The following MROH2A variants were observed in gnomAD, a reference collection of about 807,000 sequenced individuals.
MROH2A encodes maestro heat like repeat family member 2A.
Under a neutral mutation model 200.4 loss-of-function variants are expected in MROH2A, and 174 were observed. The ratio of observed to expected loss-of-function variants is 0.87; its 90% CI spans 0.77 to 0.98. MROH2A has a LOEUF of 0.98. Among genes scored for constraint, MROH2A ranks in the 50% least tolerant of loss-of-function variants. MROH2A has a pLI of 0.00. For missense variants in MROH2A, 2,045 were observed against 2,139.6 expected (o/e 0.96, Z 0.87); for synonymous variants, 829 against 840.4 (o/e 0.99, Z 0.23).
At chr2:233,825,729 T>G (rs964851403) in intron 35 of MROH2A, among the ~76,000 whole-genome samples, 2 of 152,132 alleles carry the variant, frequency 1.3e-5, no homozygotes, top group African/African-American at 2.4e-5. Flanking sequence ...AGTATTTTAT[T>G]GAGAATTTTT....
At chr2:233,833,016 A>T in intron 41 of MROH2A, 122 bp from the exon 42 acceptor site, 5 of 1,190,546 alleles carry the variant, frequency 4.2e-6, no homozygotes, top group Non-Finnish European at 5.8e-6. Flanking sequence ...CCCACACAGG[A>T]GTTTCCCCGT....
At position 233,779,833 on chromosome 2, in the gene MROH2A, G is replaced by A. The variant is rs541647931; in HGVS notation, c.257G>A (p.Arg86His). The change falls in exon 3 of 42, where the codon CGC becomes CAC. Residue 86 changes from arginine (R) to histidine (H), a missense_variant. This residue lies in a region of MROH2A where 831 missense variants were observed against 800.0 expected (regional missense o/e 1.04). Transcript: ENST00000389758. ...TCTGTAGTGATAAACACTCTCATCCGCTGCCTGCAGGTGCCAGAGGTAGGG... is the reference window on the plus strand; with the variant it reads ...TCTGTAGTGATAAACACTCTCATCCACTGCCTGCAGGTGCCAGAGGTAGGG... ...EPSVVINTLI[R>H]CLQVPEISTQ... 1.2e-4 allele frequency: 182 copies of A among 1,550,030 alleles called. 1 individual carries two copies. Among genetic ancestry groups the A allele is most frequent in the Admixed American group, 2.2e-4 (11 of 50,978 alleles).
intron 11 of MROH2A, 82 bp downstream of exon 11, chr2:233,796,395 G>T (rs1702115438): frequency 1.1e-6 from 1 of 918,554 alleles, no homozygotes; most frequent in South Asian, 1.6e-5. Flanking sequence ...TTTCATTCAT[G>T]TTCGGGCATT....
At chr2:233,823,760 CGGG>C in intron 35 of MROH2A, 96 bp downstream of exon 35, 1 of 1,467,800 alleles carries the variant, frequency 6.8e-7, no homozygotes, top group South Asian at 1.3e-5. Flanking sequence ...GCATGGGAGT[CGGG>C]GGGACAGGCG....
intron 5 of MROH2A, among the ~76,000 whole-genome samples, chr2:233,791,416 G>T (rs751027921): frequency 6.6e-6 from 1 of 152,184 alleles, no homozygotes; most frequent in African/African-American, 2.4e-5. Context: ...CTCCTTTCCC[G>T]AGCTAGAAGC....
intron 10 of MROH2A, 54 bp from the exon 11 acceptor site, chr2:233,796,146 T>C: frequency 6.6e-7 from 1 of 1,521,138 alleles, no homozygotes; most frequent in Non-Finnish European, 8.9e-7. Context: ...ACTGCCTTGC[T>C]GGGCCTGCTC....
Position 233,800,055 on chromosome 2 carries a change from G to A in MROH2A, c.1450-150G>A, listed in dbSNP as rs1702360818. 3 of 1,123,256 alleles carry A rather than the reference G, an allele frequency of 2.7e-6. No individual in the cohort carries two copies. The Admixed American group carries it at 6.8e-5, about 25-fold the overall frequency. 69.6% of individuals were successfully genotyped at this position (1,123,256 alleles called of 1,614,324 possible). A position where few individuals can be genotyped will look rare whatever the true frequency, so the allele number is the denominator to read the frequency against. On this transcript the variant is annotated intron_variant, in intron 13 of 41. Transcript: ENST00000389758. ...ACACAGTGAACCTGCAGGTGACAAT[G>A]TGTGGGGTCCTAGATATATGCACAG...
chr2:233,790,460 T>C (rs1413324871), intron 5 of MROH2A, among the ~76,000 whole-genome samples: 18 of 29,096 alleles, frequency 6.2e-4, no homozygotes, highest in Non-Finnish European at 8.0e-4. Flanking sequence ...CCCCCTTCCT[T>C]CCTCCCTCCC....
At position 233,789,645 on chromosome 2, in the gene MROH2A, C is replaced by T. The variant is rs1701597136; in HGVS notation, c.408+17C>T. The T allele has an allele frequency of 6.9e-7, 1 of 1,451,544 alleles. No individual in the cohort carries two copies. The highest frequency in any genetic ancestry group is 1.4e-5 in the African/African-American group (1 of 69,964). 89.9% of individuals were successfully genotyped at this position (1,451,544 alleles called of 1,614,324 possible). On this transcript the variant is annotated intron_variant, in intron 4 of 41. Transcript: ENST00000389758. ...ATCCCAGAGGTAGGACCCCAAGCTC[C>T]ATCGGTGCCTTCCCTCTGCCAGCCC... is the stretch of plus-strand genomic sequence containing the variant.
At chr2:233,809,334 G>A in intron 22 of MROH2A, 56 bp downstream of exon 22, 1 of 1,522,992 alleles carries the variant, frequency 6.6e-7, no homozygotes, top group South Asian at 1.2e-5. Flanking sequence ...GTGGGTAGTA[G>A]CCTTCTGGCA....
At chr2:233,803,081 G>C (rs1024921451) in intron 15 of MROH2A, among the ~76,000 whole-genome samples, 1 of 152,210 alleles carries the variant, frequency 6.6e-6, no homozygotes, top group African/African-American at 2.4e-5. Context: ...CCTGTGGAGA[G>C]AGTCAGGAGT....
At chr2:233,830,212 G>A (rs1403363869) in intron 38 of MROH2A, among the ~76,000 whole-genome samples, 1 of 152,226 alleles carries the variant, frequency 6.6e-6, no homozygotes, top group Non-Finnish European at 1.5e-5. Context: ...CTCCTCTGTT[G>A]CTTTGGGGCA....
chr2:233,805,066 G>C lies in MROH2A; in HGVS notation c.2007G>C (p.Glu669Asp). The change falls in exon 19 of 42, where the codon GAG becomes GAC. Residue 669 changes from glutamate to aspartate, a missense_variant. Glu to Asp is a conservative substitution (Grantham distance 45). Transcript: ENST00000389758. Reference protein sequence around the residue: ...GSSWSLRLSKELNNQIASFDS... With the variant: ...GSSWSLRLSKDLNNQIASFDS... ...GCTGGAGCCTGCGCTTGAGTAAAGA[G>C]CTGAACAACCAGATTGCGAGCTTTG... 6.5e-7 allele frequency: 1 copy of C among 1,550,292 alleles called. No homozygotes were observed. The highest frequency in any genetic ancestry group is 1.2e-5 in the South Asian group (1 of 84,052).
chr2:233,794,805 G>A (rs965008396), intron 8 of MROH2A, among the ~76,000 whole-genome samples: 21 of 152,156 alleles, frequency 1.4e-4, no homozygotes, highest in African/African-American at 4.3e-4. Flanking sequence ...CCACACATGC[G>A]TAGCTTGAAG....
intron 35 of MROH2A, among the ~76,000 whole-genome samples, chr2:233,826,166 G>A (rs549185176): frequency 4.1e-4 from 63 of 151,984 alleles, no homozygotes; most frequent in Non-Finnish European, 6.8e-4. Context: ...CTTGTGATTT[G>A]CCCGCCTCGG....
chr2:233,828,661 A>AGCTGCTGAAGCCGGCAGCTTT lies in MROH2A; in HGVS notation c.4153_4173dup (p.Lys1385_Leu1391dup). 6 of 1,550,770 alleles carry AGCTGCTGAAGCCGGCAGCTTT rather than the reference A, an allele frequency of 3.9e-6. No homozygotes were observed. The highest frequency in any genetic ancestry group is 5.2e-6 in the Non-Finnish European group (6 of 1,147,030). On this transcript the variant is annotated inframe_insertion, in exon 36 of 42. Coordinates refer to ENST00000389758, the MANE Select transcript of MROH2A (RefSeq NM_001394639.1). The surrounding 1 kb of genome is among the most constrained non-coding windows in gnomAD (Gnocchi z 4.6). ...AGCGGCCCAGTTCTGTACCAGGAGA[A>AGCTGCTGAAGCCGGCAGCTTT]GCTGCTGAAGCCGGCAGCTTTGCTG... is the stretch of plus-strand genomic sequence containing the variant.
In MROH2A at chr2:233,794,475, A is replaced by C; in HGVS notation, c.935A>C (p.Gln312Pro). The C allele has an allele frequency of 6.5e-7, 1 of 1,549,180 alleles. No homozygotes were observed. The highest frequency in any genetic ancestry group is 1.2e-5 in the South Asian group (1 of 84,030). The change falls in exon 8 of 42, where the codon CAG becomes CCG. Residue 312 changes from glutamine to proline, a missense_variant. Around this residue, in one of 3 missense-constraint regions of MROH2A, gnomAD observed 831 missense variants for 800.0 expected, o/e 1.04. Transcript: ENST00000389758. Reference protein sequence around the residue: ...DYIPLLLAEYQGSLEVLFVTQ... With the variant: ...DYIPLLLAEYPGSLEVLFVTQ... ...ATCCCCCTGCTGCTGGCGGAGTACC[A>C]GGGCAGTCTGGAGGTGCTCTTCGTC...
At chr2:233,791,880 G>T (rs1486543784) in intron 5 of MROH2A, among the ~76,000 whole-genome samples, 1 of 152,114 alleles carries the variant, frequency 6.6e-6, no homozygotes, top group African/African-American at 2.4e-5. Context: ...GGCCTGGAAA[G>T]AGGACAAGGG....
chr2:233,830,158 G>A (rs1038693577), intron 38 of MROH2A, among the ~76,000 whole-genome samples: 4 of 152,248 alleles, frequency 2.6e-5, no homozygotes, highest in Non-Finnish European at 5.9e-5. Flanking sequence ...GCAGGCCCAT[G>A]TTGGGATGGG....
Sources: allele counts gnomAD v4.1 joint callset (sites outside exome capture counted in the v4.1 genomes callset), GRCh38; gene constraint gnomAD v4.1.1; regional missense constraint gnomAD v4.1.1; non-coding constraint Gnocchi (gnomAD v3.1); transcripts MANE v1.5; gene names NCBI Gene and HGNC (gene_info 2026-07-23, HGNC 2026-07-21).